The following VGLL3 variants were observed in gnomAD, a reference collection of about 807,000 sequenced individuals.
The protein encoded by VGLL3 is transcription cofactor vestigial-like protein 3.
Under a neutral mutation model 29.2 loss-of-function variants are expected in VGLL3, and 18 were observed. That is an observed-to-expected ratio of 0.62 (90% CI 0.43 to 0.91). The LOEUF (loss-of-function observed/expected upper bound fraction) is 0.91, where lower values mean the gene tolerates loss of function less well. Among genes scored for constraint, VGLL3 ranks in the 40% least tolerant of loss-of-function variants. The pLI is 0.00. For missense variants in VGLL3, 440 were observed against 413.2 expected, an observed-to-expected ratio of 1.06 and a Z score of -0.56; for synonymous variants, 180 against 151.8, an observed-to-expected ratio of 1.19 and a Z score of -1.36.
intron 3 of VGLL3, among the ~76,000 whole-genome samples, chr3:86,957,116 G>A (rs1418129338): frequency 6.6e-6 from 1 of 151,892 alleles, no homozygotes; most frequent in African/African-American, 2.4e-5. Flanking sequence ...CTCATTCCAC[G>A]TGGCAGGGTA....
chr3:86,951,977 C>T (rs1704627369), intron 3 of VGLL3, among the ~76,000 whole-genome samples: 2 of 152,008 alleles, frequency 1.3e-5, no homozygotes, highest in South Asian at 2.1e-4. Context: ...ATAGAGAATG[C>T]CTGGAGAAAC....
At chr3:86,989,061 A>G (rs1047796296) in intron 1 of VGLL3, among the ~76,000 whole-genome samples, 5 of 152,134 alleles carry the variant, frequency 3.3e-5, no homozygotes, top group African/African-American at 1.2e-4. Flanking sequence ...TTTCTCTGAT[A>G]CCGAATGTTA....
At chr3:86,956,802 A>G (rs533772172) in intron 3 of VGLL3, among the ~76,000 whole-genome samples, 1 of 151,756 alleles carries the variant, frequency 6.6e-6, no homozygotes, top group Admixed American at 6.6e-5. Context: ...CAAAAAAAAA[A>G]AAAAAAAAAA....
rs1349732226 is a variant in VGLL3, at chr3:86,964,885, G to A, written c.937+3705C>T. On this transcript the variant is annotated intron_variant, in intron 3 of 3. Transcript: ENST00000398399. ...GAAAATTTCATGTTTTTAGGCCGGC[G>A]CAAGTGGCTCACGCCTGTAATCCCA... Among the ~76,000 whole-genome samples, 5 of 152,156 alleles carry A rather than the reference G, an allele frequency of 3.3e-5. No individual in the cohort carries two copies. In the South Asian group the frequency reaches 6.2e-4, roughly 19 times the overall value.
intron 2 of VGLL3, among the ~76,000 whole-genome samples, chr3:86,969,907 T>TA (rs1705057400): frequency 6.6e-6 from 1 of 152,102 alleles, no homozygotes; most frequent in African/African-American, 2.4e-5. Context: ...AGAAGAAGCC[T>TA]AAGGCTTAAG....
At position 86,945,976 on chromosome 3, in the gene VGLL3, C is replaced by T. The variant is rs1334735165; in HGVS notation, c.*1048G>A. ...CCCAGATATTGTTCCTTCAAATGCCCTTCAGGAAAAACAAATCCCACTTAA... is the reference window on the plus strand; with the variant it reads ...CCCAGATATTGTTCCTTCAAATGCCTTTCAGGAAAAACAAATCCCACTTAA... On this transcript the variant is annotated 3_prime_UTR_variant, in exon 4 of 4. Transcript: ENST00000398399. 1 of 152,022 alleles carries T rather than the reference C, an allele frequency of 6.6e-6. No homozygotes were observed. The highest frequency in any genetic ancestry group is 1.5e-5 in the Non-Finnish European group (1 of 67,974). 9.4% of individuals were successfully genotyped at this position (152,022 alleles called of 1,614,324 possible). A position where few individuals can be genotyped will look rare whatever the true frequency, so the allele number is the denominator to read the frequency against.
intron 1 of VGLL3, among the ~76,000 whole-genome samples, chr3:86,983,676 C>T (rs554781259): frequency 1.6e-4 from 24 of 152,224 alleles, no homozygotes; most frequent in Non-Finnish European, 2.4e-4. Flanking sequence ...CATGAGCCAC[C>T]GTGCCTGGCC....
chr3:86,974,147 T>C (rs1280549851), intron 2 of VGLL3, among the ~76,000 whole-genome samples: 1 of 151,454 alleles, frequency 6.6e-6, no homozygotes, highest in East Asian at 1.9e-4. Context: ...AGATAGAGTC[T>C]CACTCTGTCA....
chr3:86,973,039 T>C (rs1331995910), intron 2 of VGLL3, among the ~76,000 whole-genome samples: 1 of 151,580 alleles, frequency 6.6e-6, no homozygotes. Flanking sequence ...AGTGGGATAC[T>C]TTTTACACTG....
rs760557256 is a variant in VGLL3 at position 86,969,002 on chromosome 3, G to A, written c.525C>T (p.Pro175=). Residue 175 remains proline, a synonymous_variant, in exon 3 of 4, where the codon CCC becomes CCT. Coordinates refer to ENST00000398399, the MANE Select transcript of VGLL3 (RefSeq NM_016206.4). ...GATCAGCTGCAGAAAAGGTGCCAGG[G>A]GGTCCAGTGACCTGGAAGTCAGGAT... ...GVHPDFQVTG[P]PGTFSAADPS... 1 of 1,614,156 alleles carries A rather than the reference G, an allele frequency of 6.2e-7. No homozygotes were observed. Among genetic ancestry groups the A allele is most frequent in the South Asian group, 1.1e-5 (1 of 91,066 alleles).
intron 3 of VGLL3, chr3:86,963,058 G>A: frequency 4.9e-6 from 1 of 202,396 alleles, no homozygotes. Flanking sequence ...TCTCGCCATT[G>A]CACTCCAGCC....
intron 3 of VGLL3, among the ~76,000 whole-genome samples, chr3:86,955,284 A>T (rs905736753): frequency 6.6e-6 from 1 of 152,202 alleles, no homozygotes; most frequent in Admixed American, 6.5e-5. Flanking sequence ...CTATTAATGC[A>T]AGATATATTG....
intron 1 of VGLL3, chr3:86,990,303 G>A: frequency 1.0e-6 from 1 of 985,212 alleles, no homozygotes. Flanking sequence ...TACTCACATG[G>A]TCCTAAGATA....
chr3:86,960,302 C>A (rs370741153), intron 3 of VGLL3, among the ~76,000 whole-genome samples: 2 of 151,956 alleles, frequency 1.3e-5, no homozygotes, highest in Admixed American at 1.3e-4. Flanking sequence ...ATAAATAATT[C>A]GGAATACCAC....
Position 86,945,789 on chromosome 3 carries a change from T to C in VGLL3, c.*1235A>G, listed in dbSNP as rs1298586305. ...CTTTCTAAAAAGGAATTAAATCAAG[T>C]AAAGCCAGATTTAAACAAACAAAAA... On this transcript the variant is annotated 3_prime_UTR_variant, in exon 4 of 4. Transcript: ENST00000398399. 6.6e-6 allele frequency: 1 copy of C among 152,164 alleles called. No individual in the cohort carries two copies. Among genetic ancestry groups the C allele is most frequent in the Non-Finnish European group, 1.5e-5 (1 of 68,000 alleles). 9.4% of individuals were successfully genotyped at this position (152,164 alleles called of 1,614,324 possible).
At chr3:86,982,947 G>C (rs72918103) in intron 1 of VGLL3, among the ~76,000 whole-genome samples, 13,253 of 152,126 alleles carry the variant, frequency 0.087, 1,554 homozygotes, top group African/African-American at 0.26. Context: ...TATCAATGTG[G>C]AGAGTTCGCT....
At chr3:86,955,860 C>T (rs1704711392) in intron 3 of VGLL3, among the ~76,000 whole-genome samples, 1 of 152,168 alleles carries the variant, frequency 6.6e-6, no homozygotes, top group African/African-American at 2.4e-5. Flanking sequence ...ATAACACATA[C>T]TTGTGTTAAA....
At chr3:86,979,774 T>C (rs1163682279) in intron 1 of VGLL3, among the ~76,000 whole-genome samples, 1 of 152,112 alleles carries the variant, frequency 6.6e-6, no homozygotes, top group Middle Eastern at 3.2e-3. Context: ...TAGACATGTG[T>C]GTGCATATAT....
chr3:86,953,243 A>G (rs1475030469), intron 3 of VGLL3, among the ~76,000 whole-genome samples: 1 of 152,146 alleles, frequency 6.6e-6, no homozygotes, highest in Non-Finnish European at 1.5e-5. Flanking sequence ...AGTGTACCCA[A>G]TCTACATATA....
Sources: allele counts gnomAD v4.1 joint callset (sites outside exome capture counted in the v4.1 genomes callset), GRCh38; gene constraint gnomAD v4.1.1; transcripts MANE v1.5; gene names NCBI Gene and HGNC (gene_info 2026-07-23, HGNC 2026-07-21).